UPF2: variants seen among roughly 807,000 people sequenced by gnomAD.
UPF2 encodes UPF2 regulator of nonsense mediated mRNA decay, also known as regulator of nonsense transcripts 2.
UPF2 carries 17 observed loss-of-function variants against 141.4 expected under a neutral mutation model. That is an observed-to-expected ratio of 0.12 (90% CI 0.08 to 0.18). The LOEUF (loss-of-function observed/expected upper bound fraction) is 0.18, where lower values mean the gene tolerates loss of function less well. UPF2 is among the 10% of genes least tolerant of loss of function. The pLI, the probability that UPF2 is intolerant of heterozygous loss-of-function variation, is 1.00. For missense variants in UPF2, 1,152 were observed against 1,515.9 expected (o/e 0.76, Z 3.99); for synonymous variants, 540 against 498.0 (o/e 1.08, Z -1.12).
intron 15 of UPF2, 136 bp downstream of exon 15, chr10:11,951,930 A>T: frequency 1.2e-6 from 1 of 859,014 alleles, no homozygotes; most frequent in Non-Finnish European, 1.8e-6. Context: ...GGCATTACCT[A>T]ACACTACTAC....
chr10:12,009,508 C>A (rs1834092700), intron 4 of UPF2, among the ~76,000 whole-genome samples: 2 of 152,132 alleles, frequency 1.3e-5, no homozygotes, highest in Admixed American at 6.5e-5. Context: ...ATATCAGTGA[C>A]CCAAAATAAC....
intron 7 of UPF2, among the ~76,000 whole-genome samples, chr10:11,999,542 A>C (rs1833920944): frequency 6.6e-6 from 1 of 150,760 alleles, no homozygotes; most frequent in Non-Finnish European, 1.5e-5. Context: ...AACACACACA[A>C]GAAAAAAAAA....
At chr10:12,002,058 G>A (rs1400108121) in intron 5 of UPF2, among the ~76,000 whole-genome samples, 3 of 152,100 alleles carry the variant, frequency 2.0e-5, no homozygotes, top group Non-Finnish European at 4.4e-5. Context: ...ATCACCTGAG[G>A]TCAGGAGTTT....
intron 8 of UPF2, among the ~76,000 whole-genome samples, chr10:11,988,919 A>T (rs1833737490): frequency 6.6e-6 from 1 of 152,244 alleles, no homozygotes; most frequent in Non-Finnish European, 1.5e-5. Flanking sequence ...AAATGGGATG[A>T]CAGGGAATTG....
At chr10:11,964,344 G>A (rs951675464) in intron 10 of UPF2, among the ~76,000 whole-genome samples, 7 of 152,126 alleles carry the variant, frequency 4.6e-5, no homozygotes, top group African/African-American at 1.7e-4. Context: ...ATGTGGAAAC[G>A]AATGTCAAAC....
intron 8 of UPF2, among the ~76,000 whole-genome samples, chr10:11,993,026 T>C (rs552607675): frequency 6.6e-6 from 1 of 151,808 alleles, no homozygotes; most frequent in South Asian, 2.1e-4. Context: ...GGTACACGCG[T>C]GAAATCCCAG....
At position 11,932,459 on chromosome 10, in the gene UPF2, T is replaced by A. The variant is rs377503948; in HGVS notation, c.3547-677A>T. ...GATTAACAATTTCTTCGTTTAGATC[T>A]TCTAAAGGGAAACAATTATAAATAA... On this transcript the variant is annotated intron_variant, in intron 19 of 21. Transcript: ENST00000357604. Among the ~76,000 whole-genome samples the A allele has an allele frequency of 7.2e-5, 11 of 152,296 alleles. No homozygotes were observed. In the East Asian group the frequency reaches 1.7e-3, roughly 24 times the overall value.
intron 8 of UPF2, among the ~76,000 whole-genome samples, chr10:11,985,986 G>T (rs538300872): frequency 7.1e-6 from 1 of 140,912 alleles, no homozygotes; most frequent in Admixed American, 7.9e-5. Context: ...CCGGGTTCAC[G>T]CCATTCTCCT....
chr10:12,011,804 G>C (rs1030046064), intron 4 of UPF2, among the ~76,000 whole-genome samples: 2 of 151,558 alleles, frequency 1.3e-5, no homozygotes, highest in South Asian at 2.1e-4. Context: ...AATTAGCCGG[G>C]TGTAGTGGCA....
intron 8 of UPF2, among the ~76,000 whole-genome samples, chr10:11,986,636 A>G (rs1230660594): frequency 6.6e-6 from 1 of 152,228 alleles, no homozygotes. Flanking sequence ...ATTAAAGAAT[A>G]CAAAGGATTT....
intron 16 of UPF2, among the ~76,000 whole-genome samples, chr10:11,945,427 T>C (rs1284452271): frequency 6.6e-6 from 1 of 152,216 alleles, no homozygotes; most frequent in Non-Finnish European, 1.5e-5. Flanking sequence ...CCTCCTTATG[T>C]TTGGAGGGCG....
chr10:12,011,385 G>C (rs924967778), intron 4 of UPF2, among the ~76,000 whole-genome samples: 5 of 152,118 alleles, frequency 3.3e-5, no homozygotes, highest in Admixed American at 2.0e-4. Flanking sequence ...GATCACTTGA[G>C]CTCAAAGTTC....
At chr10:11,982,280 G>C (rs993995589) in intron 8 of UPF2, among the ~76,000 whole-genome samples, 1 of 152,136 alleles carries the variant, frequency 6.6e-6, no homozygotes, top group Non-Finnish European at 1.5e-5. Flanking sequence ...AAAAGTACAG[G>C]TACAACAGCA....
intron 16 of UPF2, among the ~76,000 whole-genome samples, chr10:11,945,820 C>T (rs1024888375): frequency 2.0e-5 from 3 of 152,120 alleles, no homozygotes; most frequent in Admixed American, 2.0e-4. Flanking sequence ...GTAATTAGTA[C>T]AGTAGCCAAA....
rs547248303 is a variant in UPF2 at position 11,955,135 on chromosome 10, A to G, written c.2850+97T>C. The G allele has an allele frequency of 7.7e-6, 9 of 1,169,264 alleles. No homozygotes were observed. In the South Asian group the frequency reaches 1.9e-4, roughly 24 times the overall value. 72.4% of individuals were successfully genotyped at this position (1,169,264 alleles called of 1,614,324 possible). ...TAATCTAATTATGAACATATATATA[A>G]TATATGAATACCATAACGTTTCTTC... On this transcript the variant is annotated intron_variant, in intron 14 of 21. Coordinates refer to ENST00000357604, the MANE Select transcript of UPF2 (RefSeq NM_015542.4).
intron 18 of UPF2, among the ~76,000 whole-genome samples, chr10:11,937,033 C>G (rs1832861372): frequency 6.6e-6 from 1 of 152,204 alleles, no homozygotes; most frequent in Non-Finnish European, 1.5e-5. Flanking sequence ...TACACTACAC[C>G]CTTCTATTCA....
In UPF2 at chr10:11,920,817, A is replaced by G; in HGVS notation, c.*481T>C. On this transcript the variant is annotated 3_prime_UTR_variant, in exon 22 of 22. Transcript: ENST00000357604. ...ACTAGAAGATTTTCCTGCTTGCTCT[A>G]TACTTTTCTACTGTAGTCCTGGAGC... 1 of 331,772 alleles carries G rather than the reference A, an allele frequency of 3.0e-6. No homozygotes were observed. The highest frequency in any genetic ancestry group is 7.6e-5 in the East Asian group (1 of 13,102). 20.6% of individuals were successfully genotyped at this position (331,772 alleles called of 1,614,324 possible). A position where few individuals can be genotyped will look rare whatever the true frequency, so the allele number is the denominator to read the frequency against.
chr10:11,966,225 T>C (rs557748641), intron 10 of UPF2, among the ~76,000 whole-genome samples: 15 of 152,314 alleles, frequency 9.8e-5, no homozygotes, highest in African/African-American at 2.4e-4. Context: ...TGTATATACT[T>C]ACTTATTCTG....
chr10:11,983,088 T>C (rs1833626449), intron 8 of UPF2, among the ~76,000 whole-genome samples: 1 of 152,210 alleles, frequency 6.6e-6, no homozygotes, highest in South Asian at 2.1e-4. Context: ...GCTCAATATA[T>C]ACATTTGTTA....
Sources: gnomAD v4.1 joint callset for allele counts (sites outside exome capture counted in the v4.1 genomes callset) on GRCh38, gnomAD v4.1.1 for gene constraint, MANE v1.5 for transcripts, NCBI Gene and HGNC (gene_info 2026-07-23, HGNC 2026-07-21) for gene names.